The following RAB11B variants were observed in gnomAD, a reference collection of about 807,000 sequenced individuals.
RAB11B encodes the protein ras-related protein Rab-11B.
A neutral mutation model predicts 23.7 loss-of-function variants in RAB11B; 7 were observed. The ratio of observed to expected loss-of-function variants is 0.29; its 90% CI spans 0.17 to 0.55. RAB11B has a LOEUF of 0.55. Among genes scored for constraint, RAB11B ranks in the 20% least tolerant of loss-of-function variants. The pLI is 0.93. For synonymous variants in RAB11B, 138 were observed against 132.0 expected (o/e 1.05, Z -0.31); for missense variants, 189 against 320.0 (o/e 0.59, Z 3.12).
In RAB11B at chr19:8,403,693, G is replaced by A. The variant is rs1174653541; in HGVS notation, c.*135G>A. 7.8e-7 allele frequency: 1 copy of A among 1,283,588 alleles called. No homozygotes were observed. The highest frequency in any genetic ancestry group is 2.6e-5 in the East Asian group (1 of 38,430). The allele number at this position is 1,283,588 out of a possible 1,614,324, so 79.5% of individuals were successfully genotyped here. ...AGTGAGCTCTGCACGGCCGGGCCGGGGCCCAGGAAGGACAGGAGCCAGTGC... is the reference window on the plus strand; with the variant it reads ...AGTGAGCTCTGCACGGCCGGGCCGGAGCCCAGGAAGGACAGGAGCCAGTGC... On this transcript the variant is annotated 3_prime_UTR_variant, in exon 5 of 5. Coordinates refer to ENST00000328024, the MANE Select transcript of RAB11B (RefSeq NM_004218.4).
rs1404756675 is a variant in RAB11B at position 8,402,156 on chromosome 19, G to C, written c.307G>C (p.Glu103Gln). The C allele has an allele frequency of 1.2e-6, 2 of 1,607,690 alleles. No individual in the cohort carries two copies. The highest frequency in any genetic ancestry group is 1.7e-6 in the Non-Finnish European group (2 of 1,177,244). Residue 103 changes from glutamate to glutamine, a missense_variant, in exon 3 of 5, where the codon GAG becomes CAG. Glu to Gln is a conservative substitution (Grantham distance 29). Around this residue, in one of 5 missense-constraint regions of RAB11B, gnomAD observed 122 missense variants for 170.8 expected, o/e 0.71. Transcript: ENST00000328024. The part of the protein sequence containing the change: ...IAKHLTYENV[E>Q]RWLKELRDHA... ...CAAGCACCTGACCTATGAGAACGTG[G>C]AGCGCTGGCTGAAGGAGCTGCGGGA... is the stretch of plus-strand genomic sequence containing the variant.
At chr19:8,393,783 TC>T (rs1971376479) in intron 1 of RAB11B, among the ~76,000 whole-genome samples, 1 of 152,006 alleles carries the variant, frequency 6.6e-6, no homozygotes, top group African/African-American at 2.4e-5. Context: ...GGGGCACCAT[TC>T]CCCTGAAGAG....
At chr19:8,390,672 G>A (rs566915921) in intron 1 of RAB11B, 71 of 447,486 alleles carry the variant, frequency 1.6e-4, no homozygotes, top group African/African-American at 7.6e-4. Flanking sequence ...AGACCTGGGG[G>A]ACCTAGGACG....
intron 4 of RAB11B, chr19:8,402,937 A>G (rs1184301095): frequency 4.6e-6 from 2 of 431,162 alleles, no homozygotes; most frequent in Non-Finnish European, 8.3e-6. Context: ...TGCTGGGATT[A>G]CAGGCGTGAG....
At chr19:8,403,390 G>A (rs186349104) in intron 4 of RAB11B, 23 bp from the exon 5 acceptor site, 22 of 1,594,366 alleles carry the variant, frequency 1.4e-5, no homozygotes, top group Middle Eastern at 1.7e-4. Context: ...CTCACCCCAC[G>A]TCCCCCTGTA....
Position 8,402,394 on chromosome 19 carries a change from A to G in RAB11B, c.431-91A>G, listed in dbSNP as rs568597805. 9 of 1,552,814 alleles carry G rather than the reference A, an allele frequency of 5.8e-6. No individual in the cohort carries two copies. The East Asian group carries it at 2.1e-4, about 36-fold the overall frequency. ...CCCTTCCCTGAGGAGTGGCCTTGGG[A>G]TGGGCCAGGTGGGTGGGCGGGGTCC... is the stretch of plus-strand genomic sequence containing the variant. On this transcript the variant is annotated intron_variant, in intron 3 of 4. Coordinates refer to ENST00000328024, the MANE Select transcript of RAB11B (RefSeq NM_004218.4).
chr19:8,391,814 A>C (rs562782152), intron 1 of RAB11B, among the ~76,000 whole-genome samples: 1 of 151,696 alleles, frequency 6.6e-6, no homozygotes, highest in South Asian at 2.1e-4. Context: ...AATGAGGCAG[A>C]GGTCTCCCCA....
chr19:8,395,612 TGACGTGAGAGAATGCCA>T, intron 1 of RAB11B, among the ~76,000 whole-genome samples: 1 of 152,302 alleles, frequency 6.6e-6, no homozygotes, highest in Non-Finnish European at 1.5e-5. Flanking sequence ...GCACCCATGG[TGACGTGAGAGAATGCCA>T]GCCCCGTTGT....
Position 8,403,913 on chromosome 19 carries a change from C to A in RAB11B, c.*355C>A. 4.6e-6 allele frequency: 1 copy of A among 216,658 alleles called. No homozygotes were observed. Among genetic ancestry groups the A allele is most frequent in the Non-Finnish European group, 9.2e-6 (1 of 108,912 alleles). 13.4% of individuals were successfully genotyped at this position (216,658 alleles called of 1,614,324 possible). On this transcript the variant is annotated 3_prime_UTR_variant, in exon 5 of 5. Transcript: ENST00000328024. ...CTCTAGGGAGCGATTGCCTCCCTCC[C>A]TCCGTGACCGGGTGGCCCAGCCAGC...
At chr19:8,398,293 G>C (rs1205930574) in intron 1 of RAB11B, among the ~76,000 whole-genome samples, 2 of 152,222 alleles carry the variant, frequency 1.3e-5, no homozygotes, top group African/African-American at 4.8e-5. Context: ...CCTGGGTGCT[G>C]TTGCCCACAA....
At chr19:8,401,954 G>A (rs1971440978) in intron 2 of RAB11B, 132 bp from the exon 3 acceptor site, 1 of 870,426 alleles carries the variant, frequency 1.1e-6, no homozygotes, top group Non-Finnish European at 1.7e-6. Context: ...CCCTTCCCTT[G>A]AGGCCACAAT....
chr19:8,396,846 G>A lies in RAB11B; in HGVS notation c.41-3017G>A, dbSNP rs1361930408. ...GAGGTGCCCTGGCTCGGCACTCACG[G>A]GCGCTCTCTGGTGGCTGCTGCAGGA... On this transcript the variant is annotated intron_variant, in intron 1 of 4. Transcript: ENST00000328024. This position sits in a 1 kb window ranked among gnomAD's most constrained non-coding sequence, Gnocchi z 5.0. 6.6e-6 allele frequency among the ~76,000 whole-genome samples: 1 copy of A among 152,152 alleles called. No homozygotes were observed. Among genetic ancestry groups the A allele is most frequent in the East Asian group, 1.9e-4 (1 of 5,186 alleles).
At chr19:8,392,367 G>C (rs1319657880) in intron 1 of RAB11B, among the ~76,000 whole-genome samples, 4 of 152,108 alleles carry the variant, frequency 2.6e-5, no homozygotes, top group Admixed American at 2.6e-4. Flanking sequence ...TGGAGAGGCT[G>C]TGTGGTTCCC....
chr19:8,403,252 G>T lies in RAB11B; in HGVS notation c.512-161G>T, dbSNP rs76120033. 9.1e-3 allele frequency among the ~76,000 whole-genome samples: 1,382 copies of T among 152,134 alleles called. 5 individuals carry two copies. The highest frequency in any genetic ancestry group is 0.015 in the Non-Finnish European group (1,031 of 67,974). On this transcript the variant is annotated intron_variant, in intron 4 of 4. Transcript: ENST00000328024. ...CCGGGGCTGGCTGTGACCAGATGTGGGTCCTGGCTGGGTGCGCAGCCCCTG... is the reference window on the plus strand; with the variant it reads ...CCGGGGCTGGCTGTGACCAGATGTGTGTCCTGGCTGGGTGCGCAGCCCCTG...
In RAB11B at chr19:8,396,189, C is replaced by T. The variant is rs531058636; in HGVS notation, c.41-3674C>T. ...TTGGCTTCCAAGCAGCCAACCAGAG[C>T]GGGTACCAGGTGGGGTTGTAGGGGC... On this transcript the variant is annotated intron_variant, in intron 1 of 4. Coordinates refer to ENST00000328024, the MANE Select transcript of RAB11B (RefSeq NM_004218.4). This position sits in a 1 kb window ranked among gnomAD's most constrained non-coding sequence, Gnocchi z 5.0. 1.9e-4 allele frequency among the ~76,000 whole-genome samples: 29 copies of T among 152,314 alleles called. No homozygotes were observed. Among genetic ancestry groups the T allele is most frequent in the African/African-American group, 6.5e-4 (27 of 41,574 alleles).
At position 8,402,039 on chromosome 19, in the gene RAB11B, G is replaced by A. The variant is rs761458290; in HGVS notation, c.237-47G>A. 9 of 1,514,088 alleles carry A rather than the reference G, an allele frequency of 5.9e-6. No homozygotes were observed. In the African/African-American group the frequency reaches 8.3e-5, roughly 14 times the overall value. The allele number at this position is 1,514,088 out of a possible 1,614,324, so 93.8% of individuals were successfully genotyped here. A position where few individuals can be genotyped will look rare whatever the true frequency, so the allele number is the denominator to read the frequency against. ...GCTGTTATCCCGTGAGGCTGCCGCT[G>A]CCCATGGTTGTCCTCCAGAGAGGCT... is the stretch of plus-strand genomic sequence containing the variant. On this transcript the variant is annotated intron_variant, in intron 2 of 4. Coordinates refer to ENST00000328024, the MANE Select transcript of RAB11B (RefSeq NM_004218.4).
At chr19:8,392,678 T>C (rs1374978954) in intron 1 of RAB11B, among the ~76,000 whole-genome samples, 2 of 114,988 alleles carry the variant, frequency 1.7e-5, no homozygotes, top group African/African-American at 6.7e-5. Flanking sequence ...CTTTTCCTTT[T>C]TCTTTTCTTT....
Position 8,396,879 on chromosome 19 carries a change from G to A in RAB11B, c.41-2984G>A, listed in dbSNP as rs943179133. On this transcript the variant is annotated intron_variant, in intron 1 of 4. Transcript: ENST00000328024. The surrounding 1 kb of genome is among the most constrained non-coding windows in gnomAD (Gnocchi z 5.0). ...CTGGTGGCTGCTGCAGGAGGACAGC[G>A]TTTTGGTTGGTGATGAGCGTGAACA... 4.6e-5 allele frequency among the ~76,000 whole-genome samples: 7 copies of A among 152,182 alleles called. No homozygotes were observed. Among genetic ancestry groups the A allele is most frequent in the East Asian group, 1.9e-4 (1 of 5,186 alleles).
At chr19:8,402,712 G>T in intron 4 of RAB11B, 147 bp downstream of exon 4, 1 of 662,584 alleles carries the variant, frequency 1.5e-6, no homozygotes, top group Non-Finnish European at 2.6e-6. Context: ...GCCCAGGCTG[G>T]AGTGTGGTGG....
Sources: allele counts gnomAD v4.1 joint callset (sites outside exome capture counted in the v4.1 genomes callset), GRCh38; gene constraint gnomAD v4.1.1; regional missense constraint gnomAD v4.1.1; non-coding constraint Gnocchi (gnomAD v3.1); transcripts MANE v1.5; gene names NCBI Gene and HGNC (gene_info 2026-07-23, HGNC 2026-07-21).